MELK: variants seen among roughly 807,000 people sequenced by gnomAD.
MELK encodes pEg3 kinase.
MELK carries 81 observed loss-of-function variants against 85.0 expected under a neutral mutation model. The observed-to-expected ratio is 0.95, with a 90% confidence interval of 0.80 to 1.15. The LOEUF (loss-of-function observed/expected upper bound fraction) is 1.15. Ranked by LOEUF, MELK falls within the 50% of genes most tolerant of loss-of-function variation. MELK has a pLI of 0.00. For missense variants in MELK, 754 were observed against 777.5 expected, an observed-to-expected ratio of 0.97 and a Z score of 0.36; for synonymous variants, 252 against 265.0, an observed-to-expected ratio of 0.95 and a Z score of 0.48.
rs111912507 is a variant in MELK at position 36,619,806 on chromosome 9, TC to T, written c.667-10492del. Among the ~76,000 whole-genome samples, 686 of 152,366 alleles carry T rather than the reference TC, an allele frequency of 4.5e-3. 6 individuals carry two copies. The highest frequency in any genetic ancestry group is 0.016 in the African/African-American group (665 of 41,574). On this transcript the variant is annotated intron_variant, in intron 8 of 17. Transcript: ENST00000298048. ...TGCAGCAGTCTTTTGGTGGTTTAAT[TC>T]TTTCTGCTTTTTTCTCTACTTCCTT...
At chr9:36,649,027 T>G (rs2137140133) in intron 11 of MELK, among the ~76,000 whole-genome samples, 1 of 152,228 alleles carries the variant, frequency 6.6e-6, no homozygotes, top group South Asian at 2.1e-4. Flanking sequence ...AACTGCTAAT[T>G]AATATTCTCA....
At chr9:36,628,050 C>T (rs550695810) in intron 8 of MELK, among the ~76,000 whole-genome samples, 6 of 151,698 alleles carry the variant, frequency 4.0e-5, no homozygotes, top group Admixed American at 1.3e-4. Context: ...TACAGACATG[C>T]GCCACCACGC....
chr9:36,575,619 G>A (rs1821580813), intron 1 of MELK, among the ~76,000 whole-genome samples: 1 of 152,030 alleles, frequency 6.6e-6, no homozygotes, highest in African/African-American at 2.4e-5. Context: ...AAAAAAAAAA[G>A]TGCATGGCTT....
intron 14 of MELK, among the ~76,000 whole-genome samples, chr9:36,668,242 T>TA (rs1832567900): frequency 6.6e-6 from 1 of 152,236 alleles, no homozygotes; most frequent in Admixed American, 6.5e-5. Flanking sequence ...TGATTGCTCT[T>TA]ATTTTCTTGT....
At chr9:36,606,475 ATACATATGTATAGGTGTG>A (rs1825521781) in intron 7 of MELK, among the ~76,000 whole-genome samples, 1 of 141,602 alleles carries the variant, frequency 7.1e-6, no homozygotes, top group Admixed American at 7.3e-5. Flanking sequence ...GTGTATATAT[ATACATATGTATAGGTGTG>A]TATATAATAA....
chr9:36,589,749 A>G (rs1823336196), intron 4 of MELK, 97 bp downstream of exon 4: 2 of 860,796 alleles, frequency 2.3e-6, no homozygotes, highest in Non-Finnish European at 3.7e-6. Context: ...AAGAGATGTT[A>G]AGCGACTTAC....
At chr9:36,590,396 C>T (rs912041663) in intron 4 of MELK, among the ~76,000 whole-genome samples, 1 of 152,126 alleles carries the variant, frequency 6.6e-6, no homozygotes, top group African/African-American at 2.4e-5. Flanking sequence ...GAATCTGTTT[C>T]CTGCCTCTTT....
chr9:36,612,288 G>A (rs1826136978), intron 8 of MELK, among the ~76,000 whole-genome samples: 1 of 152,076 alleles, frequency 6.6e-6, no homozygotes, highest in Non-Finnish European at 1.5e-5. Flanking sequence ...TAGGGAAGGG[G>A]TTTTGCCATG....
intron 7 of MELK, among the ~76,000 whole-genome samples, chr9:36,599,842 C>T (rs1824726228): frequency 6.6e-6 from 1 of 152,166 alleles, no homozygotes; most frequent in Non-Finnish European, 1.5e-5. Context: ...AAAACCTGTG[C>T]TTCGTCCATC....
chr9:36,574,578 A>G (rs1821448979), intron 1 of MELK, among the ~76,000 whole-genome samples: 1 of 151,698 alleles, frequency 6.6e-6, no homozygotes, highest in African/African-American at 2.4e-5. Flanking sequence ...ACTCCAGCCT[A>G]GGTGACAGAA....
At chr9:36,616,078 G>T (rs1409905137) in intron 8 of MELK, among the ~76,000 whole-genome samples, 2 of 152,136 alleles carry the variant, frequency 1.3e-5, no homozygotes, top group Non-Finnish European at 2.9e-5. Flanking sequence ...GCGCTCGCCG[G>T]CGCGGTGGCA....
intron 8 of MELK, among the ~76,000 whole-genome samples, chr9:36,627,927 G>C (rs1219833615): frequency 1.3e-5 from 2 of 151,630 alleles, no homozygotes; most frequent in Non-Finnish European, 2.9e-5. Flanking sequence ...TTGAGACGGA[G>C]TTTCACTCTT....
intron 14 of MELK, among the ~76,000 whole-genome samples, chr9:36,667,338 T>C (rs1832480552): frequency 6.6e-6 from 1 of 152,194 alleles, no homozygotes; most frequent in South Asian, 2.1e-4. Flanking sequence ...GTATTTTTAG[T>C]GAAGACAGGG....
chr9:36,620,890 C>T (rs1261093524), intron 8 of MELK, among the ~76,000 whole-genome samples: 1 of 151,872 alleles, frequency 6.6e-6, no homozygotes, highest in Non-Finnish European at 1.5e-5. Context: ...ATTCTGCACT[C>T]ATGTAGTAAC....
chr9:36,576,077 T>C (rs1273968045), intron 1 of MELK, among the ~76,000 whole-genome samples: 1 of 152,220 alleles, frequency 6.6e-6, no homozygotes, highest in Non-Finnish European at 1.5e-5. Context: ...CTTTAAAATA[T>C]TTCTGAATTA....
At chr9:36,655,088 A>C (rs1795803439) in intron 12 of MELK, among the ~76,000 whole-genome samples, 2 of 152,234 alleles carry the variant, frequency 1.3e-5, no homozygotes, top group Non-Finnish European at 2.9e-5. Flanking sequence ...TAACCACGTC[A>C]TCATCATCAG....
intron 10 of MELK, among the ~76,000 whole-genome samples, chr9:36,636,925 C>T (rs112731111): frequency 0.14 from 20,774 of 152,004 alleles, 1,804 homozygotes; most frequent in Non-Finnish European, 0.2. Flanking sequence ...AGCTCTGCCT[C>T]CCGGGTTCAT....
Position 36,674,829 on chromosome 9 carries a change from C to CTT in MELK, c.1675-4_1675-3dup. The CTT allele has an allele frequency of 6.6e-7, 1 of 1,522,510 alleles. No individual in the cohort carries two copies. Among genetic ancestry groups the CTT allele is most frequent in the Non-Finnish European group, 9.1e-7 (1 of 1,103,674 alleles). The allele number at this position is 1,522,510 out of a possible 1,614,324, so 94.3% of individuals were successfully genotyped here. On this transcript the variant is annotated splice_region_variant and splice_polypyrimidine_tract_variant and intron_variant, in intron 16 of 17. Transcript: ENST00000298048. ...ACTTCTCATCTCTTCTTTTTCTTTT[C>CTT]TTAGCTTCACTATAACGTGACTACA... is the stretch of plus-strand genomic sequence containing the variant.
At chr9:36,670,448 A>G (rs1028445674) in intron 15 of MELK, among the ~76,000 whole-genome samples, 1 of 152,118 alleles carries the variant, frequency 6.6e-6, no homozygotes, top group African/African-American at 2.4e-5. Flanking sequence ...TTGGAGATGT[A>G]TACTGAAGTG....
Sources: gnomAD v4.1 joint callset for allele counts (sites outside exome capture counted in the v4.1 genomes callset) on GRCh38, gnomAD v4.1.1 for gene constraint, MANE v1.5 for transcripts, NCBI Gene and HGNC (gene_info 2026-07-23, HGNC 2026-07-21) for gene names.